Variants in BARD1 observed in about 807,000 individuals in gnomAD.
BARD1 encodes BRCA1-associated RING domain protein 1.
A neutral mutation model predicts 77.0 loss-of-function variants in BARD1; 73 were observed. That is an observed-to-expected ratio of 0.95 (90% CI 0.79 to 1.15). The LOEUF (loss-of-function observed/expected upper bound fraction) is 1.15, where lower values mean the gene tolerates loss of function less well. Ranked by LOEUF, BARD1 falls within the 50% of genes most tolerant of loss-of-function variation. The probability of loss-of-function intolerance (pLI) is 0.00; values close to 1 mark genes in which losing one functional copy is unlikely to be tolerated. For missense variants in BARD1, 993 were observed against 938.8 expected, an observed-to-expected ratio of 1.06 and a Z score of -0.75; for synonymous variants, 384 against 338.0, an observed-to-expected ratio of 1.14 and a Z score of -1.49.
chr2:214,726,433 CAA>C lies in BARD1; in HGVS notation c.*2241_*2242del. ...TTTCTTAATGACTATTCCAAACTATCAAAGTTATACTGTATTCGGAATAATCT... is the reference window on the plus strand; with the variant it reads ...TTTCTTAATGACTATTCCAAACTATCAGTTATACTGTATTCGGAATAATCT... On this transcript the variant is annotated 3_prime_UTR_variant, in exon 11 of 11. Coordinates refer to ENST00000260947, the MANE Select transcript of BARD1 (RefSeq NM_000465.4). 4.7e-6 allele frequency: 1 copy of C among 210,740 alleles called. No individual in the cohort carries two copies. The highest frequency in any genetic ancestry group is 9.6e-6 in the Non-Finnish European group (1 of 103,916). The allele number at this position is 210,740 out of a possible 1,614,324, so 13.1% of individuals were successfully genotyped here.
intron 6 of BARD1, among the ~76,000 whole-genome samples, chr2:214,761,432 C>A (rs926276005): frequency 6.6e-6 from 1 of 152,072 alleles, no homozygotes. Context: ...AAAACCCTAG[C>A]AAATTCATGT....
chr2:214,793,692 G>A (rs1423654727), intron 2 of BARD1, among the ~76,000 whole-genome samples: 2 of 151,896 alleles, frequency 1.3e-5, no homozygotes, highest in African/African-American at 2.4e-5. Flanking sequence ...GATCAGACTA[G>A]TATTTTATAT....
At chr2:214,791,967 ACTATAAAATAAGGGGG>A (rs1695532885) in intron 3 of BARD1, among the ~76,000 whole-genome samples, 1 of 152,002 alleles carries the variant, frequency 6.6e-6, no homozygotes, top group Non-Finnish European at 1.5e-5. Context: ...TGATTTCTCA[ACTATAAAATAAGGGGG>A]TTAGACTTTA....
intron 6 of BARD1, among the ~76,000 whole-genome samples, chr2:214,764,330 A>AGGGAG (rs534902158): frequency 7.0e-4 from 107 of 152,324 alleles, no homozygotes; most frequent in Admixed American, 1.2e-3. Flanking sequence ...CCTCACGAGA[A>AGGGAG]GGGAGGAAAC....
At chr2:214,788,134 A>G (rs12998130) in intron 3 of BARD1, among the ~76,000 whole-genome samples, 108 of 152,132 alleles carry the variant, frequency 7.1e-4, no homozygotes, top group Non-Finnish European at 1.2e-3. Flanking sequence ...ATCTCTCTCT[A>G]AAGCAGAAAA....
At chr2:214,730,223 T>G in intron 10 of BARD1, 188 bp downstream of exon 10, 1 of 610,144 alleles carries the variant, frequency 1.6e-6, no homozygotes, top group South Asian at 1.9e-5. Flanking sequence ...ATTAACAGTA[T>G]GAAATTATTA....
chr2:214,728,973 C>G lies in BARD1; in HGVS notation c.2037G>C (p.Leu679Phe). 1 of 1,614,050 alleles carries G rather than the reference C, an allele frequency of 6.2e-7. No individual in the cohort carries two copies. Among genetic ancestry groups the G allele is most frequent in the Non-Finnish European group, 8.5e-7 (1 of 1,179,994 alleles). The change falls in exon 11 of 11, where the codon TTG becomes TTC. Residue 679 changes from leucine to phenylalanine, a missense_variant. Leu to Phe is a conservative substitution (Grantham distance 22). Coordinates refer to ENST00000260947, the MANE Select transcript of BARD1 (RefSeq NM_000465.4). The stretch of plus-strand genomic sequence containing the variant: ...TTGGATGGTGTTTGAAGGTTCCCCA[C>G]AAATAGAAGTAGCATCCATCAAACA... ...PKLFDGCYFY[L>F]WGTFKHHPKD... is the part of the protein sequence containing the mutation.
At position 214,771,985 on chromosome 2, in the gene BARD1, C is replaced by G. The variant is rs145454181; in HGVS notation, c.1315-2673G>C. Reference sequence around the variant, plus strand: ...TTTCTTAACAGTGCAAATTCTACTTCTAGAGCAAGTTATCATGTATTTAGC... The same window carrying G: ...TTTCTTAACAGTGCAAATTCTACTTGTAGAGCAAGTTATCATGTATTTAGC... On this transcript the variant is annotated intron_variant, in intron 4 of 10. Coordinates refer to ENST00000260947, the MANE Select transcript of BARD1 (RefSeq NM_000465.4). Among the ~76,000 whole-genome samples the G allele has an allele frequency of 8.1e-5, 12 of 147,606 alleles. No homozygotes were observed. The East Asian group carries it at 2.2e-3, about 28-fold the overall frequency.
intron 2 of BARD1, among the ~76,000 whole-genome samples, chr2:214,794,831 T>C (rs1017233869): frequency 2.2e-4 from 34 of 152,236 alleles, no homozygotes; most frequent in Non-Finnish European, 1.3e-4. Flanking sequence ...CCATAATTTT[T>C]GGCATCATAT....
chr2:214,750,069 A>C (rs1693333674), intron 7 of BARD1, among the ~76,000 whole-genome samples: 1 of 151,918 alleles, frequency 6.6e-6, no homozygotes, highest in Admixed American at 6.6e-5. Flanking sequence ...ATCTACTACT[A>C]CTCTTGTGAA....
chr2:214,745,126 T>C lies in BARD1; in HGVS notation c.1844A>G (p.Gln615Arg), dbSNP rs764418221. The C allele has an allele frequency of 1.9e-6, 3 of 1,614,084 alleles. No homozygotes were observed. The East Asian group carries it at 6.7e-5, about 36-fold the overall frequency. The stretch of plus-strand genomic sequence containing the variant: ...CCCAAGCATACACTTCAAGGTACTT[T>C]GAACTGCATCACCAGGAACAACAAC... The part of the protein sequence containing the change: ...THVVVPGDAV[Q>R]STLKCMLGIL... The change falls in exon 9 of 11, where the codon CAA becomes CGA. Residue 615 changes from glutamine to arginine, a missense_variant. Physicochemically the swap from Gln to Arg is conservative, Grantham distance 43. Coordinates refer to ENST00000260947, the MANE Select transcript of BARD1 (RefSeq NM_000465.4).
chr2:214,755,432 G>C (rs956756749), intron 6 of BARD1, among the ~76,000 whole-genome samples: 1 of 152,082 alleles, frequency 6.6e-6, no homozygotes, highest in Non-Finnish European at 1.5e-5. Context: ...TACCAAACTA[G>C]GTGTTTTGGA....
chr2:214,742,425 C>T (rs79346847), intron 9 of BARD1, among the ~76,000 whole-genome samples: 4,916 of 152,224 alleles, frequency 0.032, 265 homozygotes, highest in African/African-American at 0.11. Flanking sequence ...TTTGAAGGTT[C>T]TTGCCTTCTT....
At chr2:214,747,299 G>T (rs1462613485) in intron 7 of BARD1, among the ~76,000 whole-genome samples, 4 of 150,668 alleles carry the variant, frequency 2.7e-5, no homozygotes, top group African/African-American at 4.9e-5. Flanking sequence ...TCAGTGTGGC[G>T]ATTCCTCAGG....
At chr2:214,806,130 A>G (rs1394879408) in intron 1 of BARD1, among the ~76,000 whole-genome samples, 1 of 152,192 alleles carries the variant, frequency 6.6e-6, no homozygotes, top group African/African-American at 2.4e-5. Context: ...GAACACTTTC[A>G]TCGGCTTCAC....
chr2:214,791,902 C>G (rs897487428), intron 3 of BARD1, among the ~76,000 whole-genome samples: 2 of 152,150 alleles, frequency 1.3e-5, no homozygotes, highest in African/African-American at 4.8e-5. Context: ...TCTCCAGCTT[C>G]TAGTACTAAC....
rs944267291 is a variant in BARD1, at chr2:214,727,562, C to T, written c.*1114G>A. The T allele has an allele frequency of 2.1e-5, 5 of 232,568 alleles. No individual in the cohort carries two copies. The highest frequency in any genetic ancestry group is 1.1e-4 in the African/African-American group (5 of 45,270). 14.4% of individuals were successfully genotyped at this position (232,568 alleles called of 1,614,324 possible). On this transcript the variant is annotated 3_prime_UTR_variant, in exon 11 of 11. Coordinates refer to ENST00000260947, the MANE Select transcript of BARD1 (RefSeq NM_000465.4). ...AGAGCACCCAGAGCAGAGTAACCTC[C>T]CCACATCTGGCCACTCTCAGGTGGT...
At chr2:214,737,839 T>G (rs1170915991) in intron 9 of BARD1, among the ~76,000 whole-genome samples, 1 of 152,112 alleles carries the variant, frequency 6.6e-6, no homozygotes, top group Non-Finnish European at 1.5e-5. Flanking sequence ...TAAAACACAG[T>G]TACATTTTAA....
At chr2:214,730,360 T>C (rs1692294193) in intron 10 of BARD1, 51 bp downstream of exon 10, 1 of 1,492,814 alleles carries the variant, frequency 6.7e-7, no homozygotes, top group South Asian at 1.1e-5. Flanking sequence ...ATGGTGATAA[T>C]AATAGTATGT....
Sources: gnomAD v4.1 joint callset for allele counts (sites outside exome capture counted in the v4.1 genomes callset) on GRCh38, gnomAD v4.1.1 for gene constraint, MANE v1.5 for transcripts, NCBI Gene and HGNC (gene_info 2026-07-23, HGNC 2026-07-21) for gene names.